The following FAM117A variants were observed in gnomAD, a reference collection of about 807,000 sequenced individuals.
FAM117A encodes the protein family with sequence similarity 117 member A, also known as protein FAM117A.
Under a neutral mutation model 44.1 loss-of-function variants are expected in FAM117A, and 21 were observed. That is an observed-to-expected ratio of 0.48 (90% CI 0.34 to 0.69). The LOEUF (loss-of-function observed/expected upper bound fraction) is 0.69, where lower values mean the gene tolerates loss of function less well. Ranked by LOEUF, FAM117A falls within the 30% of genes least tolerant of loss-of-function variation. The pLI, the probability that FAM117A is intolerant of heterozygous loss-of-function variation, is 0.01. For missense variants in FAM117A, 498 were observed against 589.9 expected, an observed-to-expected ratio of 0.84 and a Z score of 1.61; for synonymous variants, 220 against 238.3, an observed-to-expected ratio of 0.92 and a Z score of 0.71.
At chr17:49,722,289 C>G (rs368304938) in intron 3 of FAM117A, among the ~76,000 whole-genome samples, 4 of 152,186 alleles carry the variant, frequency 2.6e-5, no homozygotes, top group Admixed American at 2.0e-4. Context: ...TCTGGCCAAG[C>G]CCCTGCCTAG....
At chr17:49,767,058 C>G (rs539749710), upstream of FAM117A, among the ~76,000 whole-genome samples, 5 of 152,254 alleles carry the variant, frequency 3.3e-5, no homozygotes, top group East Asian at 9.6e-4. Context: ...TTGATCCTAG[C>G]TGGAGGAGTG....
chr17:49,715,340 A>G (rs147943422), intron 7 of FAM117A, among the ~76,000 whole-genome samples: 1 of 152,306 alleles, frequency 6.6e-6, no homozygotes, highest in Admixed American at 6.5e-5. Context: ...GGTGCTCTCA[A>G]TGACCCAAAT....
At chr17:49,761,925 T>C (rs1199085097) in intron 1 of FAM117A, among the ~76,000 whole-genome samples, 1 of 152,218 alleles carries the variant, frequency 6.6e-6, no homozygotes, top group Non-Finnish European at 1.5e-5. Flanking sequence ...ACTTCTAAGA[T>C]ATTAATAGGT....
intron 1 of FAM117A, among the ~76,000 whole-genome samples, chr17:49,744,997 G>C (rs1298758737): frequency 2.4e-5 from 3 of 126,836 alleles, no homozygotes; most frequent in Admixed American, 1.9e-4. Context: ...CTGGGAGACA[G>C]AGCGAGACTC....
chr17:49,715,726 C>T (rs890506635), intron 7 of FAM117A, among the ~76,000 whole-genome samples: 5 of 152,130 alleles, frequency 3.3e-5, no homozygotes, highest in South Asian at 4.1e-4. Context: ...GTTTAGGCCC[C>T]CCATTCTACT....
intron 1 of FAM117A, among the ~76,000 whole-genome samples, chr17:49,737,882 C>T (rs1364057940): frequency 6.6e-6 from 1 of 152,236 alleles, no homozygotes; most frequent in Non-Finnish European, 1.5e-5. Flanking sequence ...CTTCCAACTA[C>T]TCACTGAGGC....
In FAM117A at chr17:49,720,031, T is replaced by G. The variant is rs1261317919; in HGVS notation, c.574-137A>C. The G allele has an allele frequency of 4.0e-6, 5 of 1,242,222 alleles. No individual in the cohort carries two copies. In the African/African-American group the frequency reaches 7.6e-5, roughly 19 times the overall value. The allele number at this position is 1,242,222 out of a possible 1,614,324, so 76.9% of individuals were successfully genotyped here. On this transcript the variant is annotated intron_variant, in intron 4 of 7. Transcript: ENST00000240364. ...GGGTGATTTGGGGACAGTTACAGATTGCAATAGGTCCACTCAGGGCAGTTT... is the reference window on the plus strand; with the variant it reads ...GGGTGATTTGGGGACAGTTACAGATGGCAATAGGTCCACTCAGGGCAGTTT...
chr17:49,764,155 T>C (rs1341707975), upstream of FAM117A: 2 of 786,254 alleles, frequency 2.5e-6, no homozygotes, highest in Admixed American at 3.2e-5. Context: ...CCGAGGCCGC[T>C]GCTTATCTGC....
At chr17:49,763,667 C>T (rs1183872204) in intron 1 of FAM117A, among the ~76,000 whole-genome samples, 1 of 152,016 alleles carries the variant, frequency 6.6e-6, no homozygotes, top group South Asian at 2.1e-4. Flanking sequence ...CCTCCCCTCA[C>T]CTCCGGGACC....
intron 7 of FAM117A, among the ~76,000 whole-genome samples, chr17:49,713,244 G>T (rs1390531769): frequency 1.3e-5 from 2 of 152,120 alleles, no homozygotes; most frequent in African/African-American, 4.8e-5. Context: ...TGTTTAGGAA[G>T]ATGGGATGAT....
chr17:49,758,083 C>T (rs1219875014), intron 1 of FAM117A, among the ~76,000 whole-genome samples: 1 of 152,160 alleles, frequency 6.6e-6, no homozygotes, highest in Non-Finnish European at 1.5e-5. Flanking sequence ...AATCCCAGCA[C>T]TTTGGGTGGC....
intron 1 of FAM117A, among the ~76,000 whole-genome samples, chr17:49,733,704 T>C (rs908944714): frequency 6.6e-6 from 1 of 152,016 alleles, no homozygotes; most frequent in African/African-American, 2.4e-5. Flanking sequence ...AATCCATTCA[T>C]TTATTTTTAC....
chr17:49,730,198 C>T (rs2073578634), intron 2 of FAM117A, among the ~76,000 whole-genome samples: 1 of 152,192 alleles, frequency 6.6e-6, no homozygotes, highest in South Asian at 2.1e-4. Context: ...CTGACTGCGG[C>T]CACAATATTG....
chr17:49,787,442 A>C (rs1010109620), intron 1 of FAM117A, among the ~76,000 whole-genome samples: 6 of 152,256 alleles, frequency 3.9e-5, no homozygotes, highest in African/African-American at 1.4e-4. Context: ...GGACATCCCC[A>C]AGGAGAGTGC....
chr17:49,722,213 G>A (rs894030713), intron 3 of FAM117A, among the ~76,000 whole-genome samples: 17 of 152,330 alleles, frequency 1.1e-4, no homozygotes, highest in African/African-American at 3.8e-4. Context: ...CTGCTTATCT[G>A]GATCCAATCC....
At chr17:49,718,806 C>T (rs1309818591) in intron 5 of FAM117A, among the ~76,000 whole-genome samples, 1 of 150,044 alleles carries the variant, frequency 6.7e-6, no homozygotes, top group East Asian at 1.9e-4. Flanking sequence ...CATGGTGAAA[C>T]CCCCTACTAA....
chr17:49,777,368 C>T (rs780686204), intron 1 of FAM117A, among the ~76,000 whole-genome samples: 2 of 152,156 alleles, frequency 1.3e-5, no homozygotes, highest in Non-Finnish European at 2.9e-5. Flanking sequence ...TTCTTGATGC[C>T]TATTCCTTCA....
intron 1 of FAM117A, among the ~76,000 whole-genome samples, chr17:49,782,078 A>C (rs1039074959): frequency 2.6e-5 from 4 of 152,150 alleles, no homozygotes; most frequent in African/African-American, 9.7e-5. Context: ...CAATATACAA[A>C]AAATAAAAAT....
intron 1 of FAM117A, 52 bp downstream of exon 1, chr17:49,763,840 C>T (rs2073733410): frequency 1.1e-6 from 1 of 940,238 alleles, no homozygotes; most frequent in Non-Finnish European, 1.4e-6. Context: ...GGTCACGCGC[C>T]CCCCCTCCCC....
Sources: allele counts gnomAD v4.1 joint callset (sites outside exome capture counted in the v4.1 genomes callset), GRCh38; gene constraint gnomAD v4.1.1; transcripts MANE v1.5; gene names NCBI Gene and HGNC (gene_info 2026-07-23, HGNC 2026-07-21).